Variants in ARFGEF3 observed in about 807,000 individuals in gnomAD.
ARFGEF3 encodes brefeldin A-inhibited guanine nucleotide-exchange protein 3.
A neutral mutation model predicts 221.7 loss-of-function variants in ARFGEF3; 96 were observed. The ratio of observed to expected loss-of-function variants is 0.43; its 90% CI spans 0.37 to 0.51. The LOEUF (loss-of-function observed/expected upper bound fraction) is 0.51. ARFGEF3 is among the 20% of genes least tolerant of loss of function. ARFGEF3 has a pLI of 0.00. For missense variants in ARFGEF3, 2,410 were observed against 2,789.9 expected (o/e 0.86, Z 3.07); for synonymous variants, 1,145 against 1,126.8 (o/e 1.02, Z -0.32).
At chr6:138,298,964 C>G (rs531574577) in intron 22 of ARFGEF3, among the ~76,000 whole-genome samples, 179 bp downstream of exon 22, 16 of 152,172 alleles carry the variant, frequency 1.1e-4, no homozygotes, top group Non-Finnish European at 2.4e-4. Flanking sequence ...CTTTGGGAGG[C>G]CAAGGTGGGC....
intron 5 of ARFGEF3, among the ~76,000 whole-genome samples, chr6:138,236,833 G>T (rs750939313): frequency 6.6e-6 from 1 of 152,112 alleles, no homozygotes; most frequent in Non-Finnish European, 1.5e-5. Flanking sequence ...TATATCCATG[G>T]TTATTTGAGA....
chr6:138,336,972 G>A lies in ARFGEF3; in HGVS notation c.*486G>A, dbSNP rs1780338235. 1 of 152,534 alleles carries A rather than the reference G, an allele frequency of 6.6e-6. No individual in the cohort carries two copies. The highest frequency in any genetic ancestry group is 2.4e-5 in the African/African-American group (1 of 41,416). 9.4% of individuals were successfully genotyped at this position (152,534 alleles called of 1,614,324 possible). ...GAGGAAGATTTATGGTTATGGGTCT[G>A]GCTGGGAAGAAGACAACTATAAATA... On this transcript the variant is annotated 3_prime_UTR_variant, in exon 34 of 34. Transcript: ENST00000251691.
chr6:138,341,469 G>A lies in ARFGEF3; in HGVS notation c.*4983G>A, dbSNP rs1317762611. The A allele has an allele frequency of 6.5e-6, 1 of 154,806 alleles. No individual in the cohort carries two copies. The highest frequency in any genetic ancestry group is 1.5e-5 in the Non-Finnish European group (1 of 68,222). 9.6% of individuals were successfully genotyped at this position (154,806 alleles called of 1,614,324 possible). ...AAAATCCAGAGTCTTGCAGTAAGCA[G>A]ATGACAAAACTTCAATATGCTTGGG... is the stretch of plus-strand genomic sequence containing the variant. On this transcript the variant is annotated 3_prime_UTR_variant, in exon 34 of 34. Transcript: ENST00000251691.
chr6:138,192,309 C>T lies in ARFGEF3; in HGVS notation c.138-14733C>T, dbSNP rs754455203. Among the ~76,000 whole-genome samples the T allele has an allele frequency of 1.7e-4, 26 of 151,984 alleles. 1 individual carries two copies. The highest frequency in any genetic ancestry group is 1.9e-4 in the Non-Finnish European group (13 of 67,994). ...TTCAAGACCAGCCTGGCTAACATGA[C>T]GAAACATCGTCTACTAAAAATACAA... On this transcript the variant is annotated intron_variant, in intron 2 of 33. Transcript: ENST00000251691.
At chr6:138,327,940 C>T (rs1780155875) in intron 31 of ARFGEF3, 81 bp from the exon 32 acceptor site, 3 of 1,208,930 alleles carry the variant, frequency 2.5e-6, no homozygotes, top group Non-Finnish European at 1.2e-6. Flanking sequence ...GCTCAACTTG[C>T]CCAGGGTCAT....
chr6:138,181,398 T>C (rs1777077284), intron 2 of ARFGEF3, among the ~76,000 whole-genome samples: 1 of 152,144 alleles, frequency 6.6e-6, no homozygotes, highest in Non-Finnish European at 1.5e-5. Flanking sequence ...AAAATAACAA[T>C]CCAATTATGA....
chr6:138,207,354 G>A (rs1273443811), intron 3 of ARFGEF3, among the ~76,000 whole-genome samples: 1 of 152,146 alleles, frequency 6.6e-6, no homozygotes, highest in Non-Finnish European at 1.5e-5. Context: ...GATTCATGTG[G>A]ACCTAGCTAA....
rs758161263 is a variant in ARFGEF3 at position 138,262,694 on chromosome 6, T to G, written c.1218-7T>G. 2 of 1,587,138 alleles carry G rather than the reference T, an allele frequency of 1.3e-6. No homozygotes were observed. Among genetic ancestry groups the G allele is most frequent in the African/African-American group, 2.7e-5 (2 of 74,300 alleles). ...TTATTCCATTTTCTCTTTTGAACAC[T>G]GTTTAGCATCATGGATGGCATGACC... On this transcript the variant is annotated splice_region_variant and splice_polypyrimidine_tract_variant and intron_variant, in intron 11 of 33. Coordinates refer to ENST00000251691, the MANE Select transcript of ARFGEF3 (RefSeq NM_020340.5).
intron 17 of ARFGEF3, among the ~76,000 whole-genome samples, chr6:138,289,597 C>T (rs1228985633): frequency 6.6e-6 from 1 of 152,216 alleles, no homozygotes; most frequent in East Asian, 1.9e-4. Context: ...AGCTCAGGAT[C>T]CATCCCACTT....
At chr6:138,249,479 G>A (rs1336527285) in intron 8 of ARFGEF3, among the ~76,000 whole-genome samples, 3 of 152,066 alleles carry the variant, frequency 2.0e-5, no homozygotes, top group African/African-American at 4.8e-5. Context: ...ACAGGCATGC[G>A]CCACCACACC....
chr6:138,196,969 G>T (rs1226154409), intron 2 of ARFGEF3, among the ~76,000 whole-genome samples: 1 of 152,046 alleles, frequency 6.6e-6, no homozygotes, highest in East Asian at 1.9e-4. Context: ...AAGTAGCTGG[G>T]ATTACTGGCA....
At chr6:138,311,599 C>A (rs1013113257) in intron 25 of ARFGEF3, 89 bp downstream of exon 25, 2 of 840,196 alleles carry the variant, frequency 2.4e-6, no homozygotes, top group Non-Finnish European at 3.9e-6. Context: ...TTTGCTGAAG[C>A]CCGAGAGAGA....
chr6:138,240,419 T>G (rs1161660857), intron 6 of ARFGEF3, among the ~76,000 whole-genome samples: 1 of 152,146 alleles, frequency 6.6e-6, no homozygotes, highest in Non-Finnish European at 1.5e-5. Context: ...ATTTTAAAAT[T>G]TTTAAGTAGG....
chr6:138,311,319 C>G (rs1488104038), intron 24 of ARFGEF3, 88 bp from the exon 25 acceptor site: 2 of 736,888 alleles, frequency 2.7e-6, no homozygotes, highest in African/African-American at 1.8e-5. Flanking sequence ...ATTTGGTGTA[C>G]TAGTGCTATG....
intron 20 of ARFGEF3, among the ~76,000 whole-genome samples, chr6:138,295,913 G>A (rs995341926): frequency 6.6e-6 from 1 of 152,224 alleles, no homozygotes; most frequent in Admixed American, 6.5e-5. Context: ...CCTTCAGGCT[G>A]TGTGTAAAGG....
chr6:138,236,493 CA>C (rs1168786598), intron 5 of ARFGEF3, among the ~76,000 whole-genome samples: 2 of 152,188 alleles, frequency 1.3e-5, no homozygotes, highest in Admixed American at 6.5e-5. Flanking sequence ...AAACACCTTT[CA>C]GGGGGTAGGT....
chr6:138,255,441 A>T lies in ARFGEF3; in HGVS notation c.776A>T (p.Asn259Ile), dbSNP rs1778658028. Residue 259 changes from asparagine (N) to isoleucine (I), a missense_variant, in exon 10 of 34, where the codon AAC (asparagine) becomes ATC (isoleucine). Coordinates refer to ENST00000251691, the MANE Select transcript of ARFGEF3 (RefSeq NM_020340.5). ...TTCTCACCATCTCTTCCCAGGAAAA[A>T]CCTCTGCCCTGCTCTCATCGTGATC... ...HRRFTDLIWK[N>I]LCPALIVILG... The T allele has an allele frequency of 6.4e-7, 1 of 1,565,788 alleles. No homozygotes were observed. Among genetic ancestry groups the T allele is most frequent in the Admixed American group, 1.8e-5 (1 of 55,754 alleles).
chr6:138,316,943 T>G (rs1779936558), intron 26 of ARFGEF3, among the ~76,000 whole-genome samples: 1 of 152,232 alleles, frequency 6.6e-6, no homozygotes, highest in South Asian at 2.1e-4. Context: ...GATGGATAGC[T>G]TATTTGGTAT....
chr6:138,265,184 T>G (rs963604573), intron 12 of ARFGEF3, among the ~76,000 whole-genome samples: 1 of 152,208 alleles, frequency 6.6e-6, no homozygotes, highest in African/African-American at 2.4e-5. Flanking sequence ...ATTACAGGCA[T>G]GAGCCACTGC....
Sources: gnomAD v4.1 joint callset for allele counts (sites outside exome capture counted in the v4.1 genomes callset) on GRCh38, gnomAD v4.1.1 for gene constraint, MANE v1.5 for transcripts, NCBI Gene and HGNC (gene_info 2026-07-23, HGNC 2026-07-21) for gene names.